CCDC144A: variants seen among roughly 807,000 people sequenced by gnomAD.
CCDC144A encodes the protein coiled-coil domain containing 144A.
In CCDC144A, 41 loss-of-function variants were observed where a neutral mutation model predicts 143.8. That is an observed-to-expected ratio of 0.29 (90% CI 0.22 to 0.37). CCDC144A has a LOEUF of 0.37. Ranked by LOEUF, CCDC144A falls within the 10% of genes least tolerant of loss-of-function variation. The pLI, the probability that CCDC144A is intolerant of heterozygous loss-of-function variation, is 1.00. For synonymous variants in CCDC144A, 242 were observed against 517.9 expected, an observed-to-expected ratio of 0.47 and a Z score of 7.23; for missense variants, 637 against 1,488.8, an observed-to-expected ratio of 0.43 and a Z score of 9.41.
chr17:16,704,306 T>G lies in CCDC144A; in HGVS notation c.416-845T>G, dbSNP rs1363662886. 2.0e-5 allele frequency among the ~76,000 whole-genome samples: 3 copies of G among 152,000 alleles called. No homozygotes were observed. The East Asian group carries it at 5.8e-4, about 29-fold the overall frequency. On this transcript the variant is annotated intron_variant, in intron 2 of 16. Transcript: ENST00000399273. ...CGTCTCTACTAAAAATAAAAAAAAA[T>G]TAGCCGGGCGTAGTGGCAGGCGGCT... is the stretch of plus-strand genomic sequence containing the variant.
intron 2 of CCDC144A, among the ~76,000 whole-genome samples, chr17:16,693,849 T>C (rs1362131426): frequency 6.7e-6 from 1 of 148,700 alleles, no homozygotes; most frequent in Non-Finnish European, 1.5e-5. Flanking sequence ...AGAACGTAAC[T>C]ACTAATAGCT....
chr17:16,772,381 A>G (rs1915856060), intron 16 of CCDC144A, among the ~76,000 whole-genome samples: 1 of 151,934 alleles, frequency 6.6e-6, no homozygotes, highest in Admixed American at 6.6e-5. Flanking sequence ...TCCCAGTCTC[A>G]TCTAGTAACC....
rs1265227459 is a variant in CCDC144A, at chr17:16,699,288, A to G, written c.416-5863A>G. Among the ~76,000 whole-genome samples, 5 of 149,002 alleles carry G rather than the reference A, an allele frequency of 3.4e-5. No homozygotes were observed. The East Asian group carries it at 7.9e-4, about 24-fold the overall frequency. On this transcript the variant is annotated intron_variant, in intron 2 of 16. Coordinates refer to ENST00000399273, the MANE Select transcript of CCDC144A (RefSeq NM_001382000.1). ...TTACCACACTTTTAACCATCTATACATAAGATGTCTCTTCTCCCGGCCAGA... is the reference window on the plus strand; with the variant it reads ...TTACCACACTTTTAACCATCTATACGTAAGATGTCTCTTCTCCCGGCCAGA...
chr17:16,689,030 G>A (rs1326463849), upstream of CCDC144A, among the ~76,000 whole-genome samples: 1 of 152,082 alleles, frequency 6.6e-6, no homozygotes, highest in Non-Finnish European at 1.5e-5. Flanking sequence ...CTGAAGCCCT[G>A]AGGCTTCAGT....
intron 9 of CCDC144A, among the ~76,000 whole-genome samples, chr17:16,729,206 G>A (rs1200744207): frequency 6.6e-6 from 1 of 152,146 alleles, no homozygotes; most frequent in Non-Finnish European, 1.5e-5. Context: ...ATTTCCACCA[G>A]CAGTGTATAA....
At chr17:16,768,388 C>G (rs1235059189) in intron 15 of CCDC144A, among the ~76,000 whole-genome samples, 2 of 152,158 alleles carry the variant, frequency 1.3e-5, no homozygotes, top group South Asian at 2.1e-4. Flanking sequence ...AGGCAAGATT[C>G]TTGGTGGGCT....
At position 16,709,070 on chromosome 17, in the gene CCDC144A, C is replaced by A. The variant is rs764044902; in HGVS notation, c.1013C>A (p.Thr338Lys). 3 of 1,611,508 alleles carry A rather than the reference C, an allele frequency of 1.9e-6. No homozygotes were observed. Among genetic ancestry groups the A allele is most frequent in the East Asian group, 2.2e-5 (1 of 44,852 alleles). ...GTAAAGGATATTCCCTTTAATTTGACAAATAACATACCTGGTTGTGAGGAA... is the reference window on the plus strand; with the variant it reads ...GTAAAGGATATTCCCTTTAATTTGAAAAATAACATACCTGGTTGTGAGGAA... ...TDVKDIPFNLTNNIPGCEEED... is the reference protein window; with the variant it reads ...TDVKDIPFNLKNNIPGCEEED... Residue 338 changes from threonine to lysine, a missense_variant, in exon 5 of 17, where the codon ACA (threonine) becomes AAA (lysine). By Grantham distance (78) the Thr-to-Lys change is moderately conservative. Transcript: ENST00000399273.
intron 12 of CCDC144A, chr17:16,746,076 G>C: frequency 1.9e-6 from 3 of 1,607,738 alleles, no homozygotes; most frequent in Non-Finnish European, 2.6e-6. Flanking sequence ...CTCCTTCAGC[G>C]AGCCTTCCAC....
At chr17:16,755,041 T>G (rs1484829872) in intron 12 of CCDC144A, among the ~76,000 whole-genome samples, 2 of 152,266 alleles carry the variant, frequency 1.3e-5, no homozygotes, top group African/African-American at 2.4e-5. Flanking sequence ...TTGTCTGATA[T>G]AAATATAGCT....
chr17:16,743,981 C>T (rs1349285097), intron 12 of CCDC144A, among the ~76,000 whole-genome samples: 3 of 152,216 alleles, frequency 2.0e-5, no homozygotes, highest in Non-Finnish European at 4.4e-5. Flanking sequence ...TAATGGCCTC[C>T]AGCTGCATCC....
At chr17:16,714,898 A>G (rs1912654747) in intron 6 of CCDC144A, among the ~76,000 whole-genome samples, 1 of 152,070 alleles carries the variant, frequency 6.6e-6, no homozygotes, top group Admixed American at 6.6e-5. Context: ...TTCGTTATCT[A>G]TCACAGTTGC....
At chr17:16,685,108 C>T (rs1377024499), upstream of CCDC144A, among the ~76,000 whole-genome samples, 1 of 152,164 alleles carries the variant, frequency 6.6e-6, no homozygotes, top group Non-Finnish European at 1.5e-5. Flanking sequence ...CTCATTGCAA[C>T]CTCTGCCTTC....
At chr17:16,682,205 GT>G in the CCDC144A span, among the ~76,000 whole-genome samples, 5 of 2,628 alleles carry the variant, frequency 1.9e-3, no homozygotes, top group Non-Finnish European at 2.7e-3. Context: ...GAAAATGGGT[GT>G]GTGTGTGTGT....
chr17:16,677,814 GAA>G, the CCDC144A span, among the ~76,000 whole-genome samples: 13 of 125,934 alleles, frequency 1.0e-4, no homozygotes, highest in African/African-American at 2.3e-4. Flanking sequence ...CTCAAAAAAA[GAA>G]AAAAAAAAAA....
At chr17:16,701,419 C>CAAAT (rs1242947696) in intron 2 of CCDC144A, among the ~76,000 whole-genome samples, 1 of 146,546 alleles carries the variant, frequency 6.8e-6, no homozygotes, top group Non-Finnish European at 1.5e-5. Context: ...TGGTGTTGGA[C>CAAAT]AAATGTGTGA....
the CCDC144A span, chr17:16,683,662 C>T: frequency 4.4e-6 from 7 of 1,608,924 alleles, no homozygotes; most frequent in South Asian, 7.7e-5. Context: ...TCTGCAAGCC[C>T]GGAAGTTTCA....
At chr17:16,680,542 G>GAAGA in the CCDC144A span, among the ~76,000 whole-genome samples, 1 of 145,048 alleles carries the variant, frequency 6.9e-6, no homozygotes, top group Non-Finnish European at 1.5e-5. Context: ...AGCAAAACCT[G>GAAGA]AAGAAAGAAA....
chr17:16,770,821 G>C (rs1368667398), intron 15 of CCDC144A, among the ~76,000 whole-genome samples: 1 of 151,680 alleles, frequency 6.6e-6, no homozygotes, highest in Non-Finnish European at 1.5e-5. Context: ...TGGAACCTTA[G>C]ATTTCTGTGG....
intron 4 of CCDC144A, among the ~76,000 whole-genome samples, chr17:16,707,753 C>A (rs1912142675): frequency 6.6e-6 from 1 of 152,010 alleles, no homozygotes; most frequent in Admixed American, 6.6e-5. Context: ...TAATCTTTAC[C>A]CTTGGAGTAG....
Sources: allele counts gnomAD v4.1 joint callset (sites outside exome capture counted in the v4.1 genomes callset), GRCh38; gene constraint gnomAD v4.1.1; transcripts MANE v1.5; gene names NCBI Gene and HGNC (gene_info 2026-07-23, HGNC 2026-07-21).